FAM13A: variants seen among roughly 807,000 people sequenced by gnomAD.
FAM13A encodes the protein family with sequence similarity 13 member A.
FAM13A carries 76 observed loss-of-function variants against 129.6 expected under a neutral mutation model. The ratio of observed to expected loss-of-function variants is 0.59; its 90% CI spans 0.49 to 0.71. The LOEUF (loss-of-function observed/expected upper bound fraction) is 0.71, where lower values mean the gene tolerates loss of function less well. FAM13A is among the 30% of genes least tolerant of loss of function. FAM13A has a pLI of 0.00. For missense variants in FAM13A, 1,108 were observed against 1,249.3 expected (o/e 0.89, Z 1.70); for synonymous variants, 443 against 449.9 (o/e 0.98, Z 0.20).
At chr4:88,856,305 C>A (rs771908240) in intron 6 of FAM13A, among the ~76,000 whole-genome samples, 2 of 151,796 alleles carry the variant, frequency 1.3e-5, no homozygotes, top group Non-Finnish European at 2.9e-5. Context: ...CATAATGAGA[C>A]CCTGTCTCTA....
chr4:88,766,889 G>A (rs2149541337), intron 13 of FAM13A, among the ~76,000 whole-genome samples: 1 of 152,288 alleles, frequency 6.6e-6, no homozygotes, highest in South Asian at 2.1e-4. Context: ...GGTGGAGTTG[G>A]AAGTATTTGG....
At position 88,764,558 on chromosome 4, in the gene FAM13A, A is replaced by C. The variant is rs141051057; in HGVS notation, c.1578+2995T>G. Among the ~76,000 whole-genome samples the C allele has an allele frequency of 6.1e-3, 934 of 152,312 alleles. 3 individuals are homozygous for C. The highest frequency in any genetic ancestry group is 7.0e-3 in the Non-Finnish European group (473 of 68,012). The stretch of plus-strand genomic sequence containing the variant: ...ACTCTGAAAATCTGTAATTTCAGGG[A>C]TATCTTTTAGAATCTAGAAATTGCT... On this transcript the variant is annotated intron_variant, in intron 13 of 23. Transcript: ENST00000264344.
chr4:88,771,283 G>C (rs1195455374), intron 11 of FAM13A, among the ~76,000 whole-genome samples: 1 of 152,000 alleles, frequency 6.6e-6, no homozygotes, highest in East Asian at 1.9e-4. Context: ...TGGGGTTAGG[G>C]AGGAATGATT....
chr4:88,838,719 T>TC (rs1026632349), intron 7 of FAM13A, among the ~76,000 whole-genome samples: 3 of 124,042 alleles, frequency 2.4e-5, no homozygotes, highest in Non-Finnish European at 4.9e-5. Flanking sequence ...AGAGCAAGAC[T>TC]CCGTCTCAAA....
chr4:88,900,910 G>T (rs1308757559), intron 6 of FAM13A, among the ~76,000 whole-genome samples: 2 of 151,984 alleles, frequency 1.3e-5, no homozygotes, highest in African/African-American at 4.8e-5. Context: ...TATCTCCTGT[G>T]CAAAGACACA....
intron 8 of FAM13A, 22 bp downstream of exon 8, chr4:88,804,989 C>T (rs1466760506): frequency 1.4e-6 from 2 of 1,464,146 alleles, no homozygotes; most frequent in Non-Finnish European, 1.9e-6. Context: ...CTGTAGTAGA[C>T]CAACAAAAAT....
chr4:88,740,655 T>C (rs570797933), intron 19 of FAM13A, among the ~76,000 whole-genome samples: 1 of 152,348 alleles, frequency 6.6e-6, no homozygotes, highest in South Asian at 2.1e-4. Context: ...TTACGGGTTT[T>C]TTGAGCCTTC....
intron 8 of FAM13A, 132 bp downstream of exon 8, chr4:88,804,879 G>A: frequency 1.6e-6 from 1 of 643,642 alleles, no homozygotes; most frequent in Non-Finnish European, 2.8e-6. Flanking sequence ...GTAAGGTGAA[G>A]AGCTCCAGCA....
At chr4:89,007,331 A>G (rs1386375853) in intron 3 of FAM13A, among the ~76,000 whole-genome samples, 1 of 152,178 alleles carries the variant, frequency 6.6e-6, no homozygotes, top group Non-Finnish European at 1.5e-5. Flanking sequence ...GCTCTGGGAG[A>G]AGCCAGTTAC....
intron 6 of FAM13A, among the ~76,000 whole-genome samples, chr4:88,897,492 A>G (rs2704583): frequency 0.74 from 112,556 of 152,118 alleles, 41,960 homozygotes; most frequent in Non-Finnish European, 0.79. Flanking sequence ...ACACACGTAC[A>G]GACAGATGGC....
rs568706337 is a variant in FAM13A at position 88,918,327 on chromosome 4, C to G, written c.760-11865G>C. Reference sequence around the variant, plus strand: ...GGTTTTCTTCTAAGTGCTTATTACACATTTACTCATTTGATCTTCACAACA... The same window carrying G: ...GGTTTTCTTCTAAGTGCTTATTACAGATTTACTCATTTGATCTTCACAACA... On this transcript the variant is annotated intron_variant, in intron 5 of 23. Coordinates refer to ENST00000264344, the MANE Select transcript of FAM13A (RefSeq NM_014883.4). Among the ~76,000 whole-genome samples, 6 of 152,308 alleles carry G rather than the reference C, an allele frequency of 3.9e-5. No individual in the cohort carries two copies. In the South Asian group the frequency reaches 1.0e-3, roughly 26 times the overall value.
intron 7 of FAM13A, among the ~76,000 whole-genome samples, chr4:88,837,524 T>C (rs1735026736): frequency 6.6e-6 from 1 of 151,082 alleles, no homozygotes; most frequent in Non-Finnish European, 1.5e-5. Context: ...GAGACCAGCC[T>C]GACTAACATG....
intron 4 of FAM13A, 38 bp downstream of exon 4, chr4:88,990,935 G>A (rs369354988): frequency 6.1e-6 from 9 of 1,483,884 alleles, no homozygotes; most frequent in Non-Finnish European, 8.5e-6. Flanking sequence ...CACAAAGGGG[G>A]ACATGATGAT....
At chr4:88,791,904 T>A (rs1725249913) in intron 8 of FAM13A, among the ~76,000 whole-genome samples, 1 of 152,070 alleles carries the variant, frequency 6.6e-6, no homozygotes, top group Non-Finnish European at 1.5e-5. Context: ...ATGTCTTCCA[T>A]AGTACTCATT....
At chr4:88,834,556 A>G (rs181008430) in intron 7 of FAM13A, among the ~76,000 whole-genome samples, 157 of 152,300 alleles carry the variant, frequency 1.0e-3, no homozygotes, top group African/African-American at 3.6e-3. Context: ...TACACTCTAA[A>G]TATATACAAT....
chr4:88,744,419 T>C (rs1233497801), intron 19 of FAM13A, among the ~76,000 whole-genome samples: 2 of 152,200 alleles, frequency 1.3e-5, no homozygotes, highest in African/African-American at 4.8e-5. Flanking sequence ...TGTGTTTATA[T>C]ATGTGTAACT....
Position 88,938,181 on chromosome 4 carries a change from T to G in FAM13A, c.666A>C (p.Lys222Asn). 1 of 1,613,508 alleles carries G rather than the reference T, an allele frequency of 6.2e-7. No individual in the cohort carries two copies. The highest frequency in any genetic ancestry group is 8.5e-7 in the Non-Finnish European group (1 of 1,179,558). The change falls in exon 5 of 24, where the codon AAA becomes AAC. Residue 222 changes from lysine (K) to asparagine (N), a missense_variant. Transcript: ENST00000264344. ...EQDLCNKIMA[K>N]ILENYNTLFE... ...ACAGGGTATTGTAATTTTCTAGAAT[T>G]TTAGCCATTATCTTGTTGCACAGGT...
chr4:88,733,268 ACAAG>A (rs1320776070), intron 21 of FAM13A, among the ~76,000 whole-genome samples: 1 of 152,230 alleles, frequency 6.6e-6, no homozygotes, highest in Non-Finnish European at 1.5e-5. Context: ...ATGTGAATAA[ACAAG>A]CAACCAAACA....
intron 6 of FAM13A, among the ~76,000 whole-genome samples, chr4:88,857,543 C>T (rs138803219): frequency 0.013 from 1,942 of 149,466 alleles, 50 homozygotes; most frequent in African/African-American, 0.045. Context: ...GCAGGATAAT[C>T]GCTTGAACCT....
Sources: allele counts gnomAD v4.1 joint callset (sites outside exome capture counted in the v4.1 genomes callset), GRCh38; gene constraint gnomAD v4.1.1; transcripts MANE v1.5; gene names NCBI Gene and HGNC (gene_info 2026-07-23, HGNC 2026-07-21).